Variants in SH3GL3 observed in about 807,000 individuals in gnomAD.
SH3GL3 encodes the protein endophilin-A3.
In SH3GL3, 33 loss-of-function variants were observed where a neutral mutation model predicts 47.7. The observed-to-expected ratio is 0.69, with a 90% CI of 0.52 to 0.92. The LOEUF (loss-of-function observed/expected upper bound fraction) is 0.92, where lower values mean the gene tolerates loss of function less well. SH3GL3 is among the 40% of genes least tolerant of loss of function. The probability of loss-of-function intolerance (pLI) is 0.00; values close to 1 mark genes in which losing one functional copy is unlikely to be tolerated. For synonymous variants in SH3GL3, 155 were observed against 148.8 expected, an observed-to-expected ratio of 1.04 and a Z score of -0.30; for missense variants, 363 against 417.8, an observed-to-expected ratio of 0.87 and a Z score of 1.14.
At chr15:83,502,326 G>T (rs2042329514) in intron 1 of SH3GL3, among the ~76,000 whole-genome samples, 1 of 152,234 alleles carries the variant, frequency 6.6e-6, no homozygotes, top group Non-Finnish European at 1.5e-5. Flanking sequence ...GGGCAAGTGA[G>T]TAACCACTGC....
chr15:83,522,663 A>G (rs2043257827), intron 1 of SH3GL3, among the ~76,000 whole-genome samples: 1 of 152,202 alleles, frequency 6.6e-6, no homozygotes, highest in African/African-American at 2.4e-5. Context: ...GCTTTTTGAA[A>G]AGCAAAATTA....
intron 6 of SH3GL3, among the ~76,000 whole-genome samples, chr15:83,586,447 A>G (rs1056154649): frequency 6.6e-6 from 1 of 152,192 alleles, no homozygotes; most frequent in African/African-American, 2.4e-5. Context: ...GTGGATAGCA[A>G]CAAAACGCAT....
At chr15:83,498,380 T>C (rs949340636) in intron 1 of SH3GL3, among the ~76,000 whole-genome samples, 3 of 152,158 alleles carry the variant, frequency 2.0e-5, no homozygotes, top group African/African-American at 7.2e-5. Context: ...AAATTAAGCA[T>C]ATCTTCCTTA....
At chr15:83,520,196 G>C (rs1264014906) in intron 1 of SH3GL3, among the ~76,000 whole-genome samples, 1 of 152,152 alleles carries the variant, frequency 6.6e-6, no homozygotes, top group African/African-American at 2.4e-5. Context: ...CTGTAAGCTT[G>C]CCTGACCTTT....
At chr15:83,515,806 G>A (rs1390315931) in intron 1 of SH3GL3, among the ~76,000 whole-genome samples, 1 of 152,070 alleles carries the variant, frequency 6.6e-6, no homozygotes, top group African/African-American at 2.4e-5. Context: ...CATGGATAAC[G>A]TTTTGCTGAT....
the SH3GL3 span, among the ~76,000 whole-genome samples, chr15:83,624,729 C>T: frequency 6.6e-6 from 1 of 152,156 alleles, no homozygotes; most frequent in African/African-American, 2.4e-5. Flanking sequence ...GAGGCCAGGA[C>T]TTTGAGACCA....
chr15:83,565,257 C>A, intron 3 of SH3GL3, 51 bp downstream of exon 3: 1 of 983,674 alleles, frequency 1.0e-6, no homozygotes, highest in Non-Finnish European at 1.6e-6. Context: ...CTCTAATAAC[C>A]CATGTTTACT....
At chr15:83,458,675 C>T (rs1464472754) in intron 1 of SH3GL3, among the ~76,000 whole-genome samples, 2 of 152,116 alleles carry the variant, frequency 1.3e-5, no homozygotes, top group African/African-American at 4.8e-5. Flanking sequence ...AGTGCTTCTC[C>T]AGTGCAACAG....
intron 1 of SH3GL3, among the ~76,000 whole-genome samples, chr15:83,466,496 A>G (rs1441620126): frequency 2.0e-5 from 3 of 152,016 alleles, no homozygotes; most frequent in Non-Finnish European, 2.9e-5. Context: ...CACCCACCCA[A>G]CTGGAGATAT....
chr15:83,500,712 T>C (rs1349314987), intron 1 of SH3GL3, among the ~76,000 whole-genome samples: 2 of 152,198 alleles, frequency 1.3e-5, no homozygotes, highest in African/African-American at 4.8e-5. Flanking sequence ...TACTCTGAGG[T>C]GCAGTTTCTT....
chr15:83,553,822 G>A (rs1376596656), intron 1 of SH3GL3, among the ~76,000 whole-genome samples: 2 of 151,960 alleles, frequency 1.3e-5, no homozygotes, highest in African/African-American at 2.4e-5. Context: ...CAGACACATT[G>A]GTTTTTGCTT....
At chr15:83,556,893 C>T (rs1247955693) in intron 1 of SH3GL3, among the ~76,000 whole-genome samples, 1 of 152,168 alleles carries the variant, frequency 6.6e-6, no homozygotes, top group Non-Finnish European at 1.5e-5. Context: ...CGAGGTTGCT[C>T]AGGTGGGATG....
intron 1 of SH3GL3, chr15:83,490,604 C>G (rs2041835048): frequency 1.9e-6 from 1 of 539,148 alleles, no homozygotes; most frequent in African/African-American, 1.9e-5. Context: ...AGTTGGCCCC[C>G]CTACAACCTA....
At chr15:83,566,329 A>C in intron 3 of SH3GL3, among the ~76,000 whole-genome samples, 1 of 150,408 alleles carries the variant, frequency 6.6e-6, no homozygotes, top group Non-Finnish European at 1.5e-5. Context: ...TCCCCCTCCA[A>C]CAGTGGGAAA....
chr15:83,526,780 A>G (rs1422912896), intron 1 of SH3GL3, among the ~76,000 whole-genome samples: 1 of 152,170 alleles, frequency 6.6e-6, no homozygotes, highest in African/African-American at 2.4e-5. Flanking sequence ...AGTTTGTCAT[A>G]TAACAAACCT....
rs1305970603 is a variant in SH3GL3 at position 83,482,784 on chromosome 15, G to T, written c.45+35206G>T. Among the ~76,000 whole-genome samples the T allele has an allele frequency of 7.2e-5, 11 of 152,038 alleles. 1 individual carries two copies. The East Asian group carries it at 2.1e-3, about 29-fold the overall frequency. ...TGGAATTACAAGCATGAGGCACCGC[G>T]CTCGGCTGAGCCTTCTTAAGTTTTG... On this transcript the variant is annotated intron_variant, in intron 1 of 8. Transcript: ENST00000427482.
At chr15:83,486,824 G>A (rs1272008570) in intron 1 of SH3GL3, among the ~76,000 whole-genome samples, 1 of 152,156 alleles carries the variant, frequency 6.6e-6, no homozygotes, top group Admixed American at 6.5e-5. Context: ...TGGAAAATTT[G>A]GCTCTTGGAA....
At chr15:83,524,539 A>G (rs1166974663) in intron 1 of SH3GL3, among the ~76,000 whole-genome samples, 2 of 152,112 alleles carry the variant, frequency 1.3e-5, no homozygotes, top group Non-Finnish European at 2.9e-5. Flanking sequence ...ATTCTCTTCT[A>G]GCTATTTTGA....
At chr15:83,564,121 T>C (rs1028148776) in intron 2 of SH3GL3, among the ~76,000 whole-genome samples, 1 of 152,240 alleles carries the variant, frequency 6.6e-6, no homozygotes, top group Non-Finnish European at 1.5e-5. Flanking sequence ...CACTCCAGTA[T>C]TTCAAAATAC....
Sources: gnomAD v4.1 joint callset for allele counts (sites outside exome capture counted in the v4.1 genomes callset) on GRCh38, gnomAD v4.1.1 for gene constraint, MANE v1.5 for transcripts, NCBI Gene and HGNC (gene_info 2026-07-23, HGNC 2026-07-21) for gene names.